The following DEK variants were observed in gnomAD, a reference collection of about 807,000 sequenced individuals.
The protein encoded by DEK is protein DEK.
A neutral mutation model predicts 46.8 loss-of-function variants in DEK; 28 were observed. That is an observed-to-expected ratio of 0.60 (90% CI 0.44 to 0.82). The LOEUF is 0.82. DEK is among the 40% of genes least tolerant of loss of function. The pLI, the probability that DEK is intolerant of heterozygous loss-of-function variation, is 0.00. For missense variants in DEK, 416 were observed against 430.6 expected, an observed-to-expected ratio of 0.97 and a Z score of 0.30; for synonymous variants, 160 against 144.5, an observed-to-expected ratio of 1.11 and a Z score of -0.77.
intron 7 of DEK, among the ~76,000 whole-genome samples, chr6:18,247,806 G>A (rs1791190310): frequency 6.6e-6 from 1 of 151,910 alleles, no homozygotes; most frequent in South Asian, 2.1e-4. Flanking sequence ...CCGAGTAGCT[G>A]GGATTATCGG....
chr6:18,229,047 C>T (rs927684717), intron 9 of DEK, among the ~76,000 whole-genome samples: 35 of 152,186 alleles, frequency 2.3e-4, no homozygotes, highest in African/African-American at 3.4e-4. Context: ...CACTCTGAGA[C>T]GAAGCTTCCA....
intron 7 of DEK, among the ~76,000 whole-genome samples, chr6:18,245,979 T>C (rs1466677932): frequency 6.6e-6 from 1 of 152,266 alleles, no homozygotes; most frequent in Non-Finnish European, 1.5e-5. Flanking sequence ...TGCTGCCGCG[T>C]AAGATGGGTC....
rs1446998250 is a variant in DEK at position 18,237,221 on chromosome 6, G to A, written c.898+160C>T. 2.3e-5 allele frequency: 18 copies of A among 791,770 alleles called. 1 individual carries two copies. Among genetic ancestry groups the A allele is most frequent in the Non-Finnish European group, 3.1e-5 (17 of 545,120 alleles). The allele number at this position is 791,770 out of a possible 1,614,324, so 49.0% of individuals were successfully genotyped here. A position where few individuals can be genotyped will look rare whatever the true frequency, so the allele number is the denominator to read the frequency against. On this transcript the variant is annotated intron_variant, in intron 8 of 10. Transcript: ENST00000652689. Reference sequence around the variant, plus strand: ...TATTGCAAAATCTGAATCACTTCCTGTCCCAAGCATTTCAGATAAGGGATA... The same window carrying A: ...TATTGCAAAATCTGAATCACTTCCTATCCCAAGCATTTCAGATAAGGGATA...
chr6:18,259,535 A>C (rs1222662138), intron 2 of DEK, among the ~76,000 whole-genome samples: 1 of 151,980 alleles, frequency 6.6e-6, no homozygotes, highest in Non-Finnish European at 1.5e-5. Context: ...ATAAAAGAAT[A>C]CTATATACTG....
At chr6:18,235,689 A>C (rs929273151) in intron 9 of DEK, among the ~76,000 whole-genome samples, 47 of 152,270 alleles carry the variant, frequency 3.1e-4, no homozygotes, top group Middle Eastern at 3.4e-3. Flanking sequence ...GGATCTCACT[A>C]TGCTGCCCAG....
chr6:18,242,528 A>G (rs1790934874), intron 7 of DEK, among the ~76,000 whole-genome samples: 1 of 152,188 alleles, frequency 6.6e-6, no homozygotes, highest in Admixed American at 6.5e-5. Flanking sequence ...GAGTAGTGTG[A>G]TGAAATCTCA....
At chr6:18,244,465 T>C in intron 7 of DEK, 1 of 1,104,286 alleles carries the variant, frequency 9.1e-7, no homozygotes, top group African/African-American at 1.6e-5. Context: ...CATAAGCACT[T>C]TTTGAAGGAA....
chr6:18,255,597 G>A (rs1018140283), intron 6 of DEK, 134 bp downstream of exon 6: 20 of 1,067,928 alleles, frequency 1.9e-5, no homozygotes, highest in African/African-American at 1.5e-4. Context: ...CTGCAGATAC[G>A]TCAACAGAAG....
chr6:18,258,180 CAAATT>C (rs943861317), intron 3 of DEK, 118 bp from the exon 4 acceptor site: 23 of 1,087,416 alleles, frequency 2.1e-5, no homozygotes, highest in African/African-American at 3.2e-5. Flanking sequence ...TCTTACAGAG[CAAATT>C]AAATAAAATT....
chr6:18,225,796 T>C, intron 10 of DEK, 66 bp from the exon 11 acceptor site: 2 of 1,576,174 alleles, frequency 1.3e-6, no homozygotes, highest in East Asian at 4.5e-5. Flanking sequence ...TTTCCACATC[T>C]ATTTTACTAT....
intron 7 of DEK, among the ~76,000 whole-genome samples, chr6:18,247,656 A>C (rs1170083016): frequency 1.3e-5 from 2 of 152,202 alleles, no homozygotes; most frequent in African/African-American, 4.8e-5. Context: ...GCGAATTTTA[A>C]AAGTGAGTAT....
chr6:18,240,502 T>C (rs568514041), intron 7 of DEK, among the ~76,000 whole-genome samples: 125 of 152,346 alleles, frequency 8.2e-4, no homozygotes, highest in African/African-American at 2.7e-3. Flanking sequence ...TATGGTTTTA[T>C]GGGGAGTAGA....
At chr6:18,225,977 C>A in intron 10 of DEK, 197 bp downstream of exon 10, 1 of 716,116 alleles carries the variant, frequency 1.4e-6, no homozygotes, top group Non-Finnish European at 2.2e-6. Context: ...GAGTTCAGGT[C>A]TTATCACTAA....
At chr6:18,248,337 C>G (rs1293606920) in intron 7 of DEK, among the ~76,000 whole-genome samples, 2 of 152,154 alleles carry the variant, frequency 1.3e-5, no homozygotes, top group Admixed American at 6.5e-5. Context: ...TGCTTTAACT[C>G]TGCCCATAAA....
chr6:18,237,597 C>A, intron 7 of DEK, 81 bp from the exon 8 acceptor site: 1 of 1,459,176 alleles, frequency 6.9e-7, no homozygotes, highest in South Asian at 1.5e-5. Flanking sequence ...CCCCTATGCC[C>A]CTTAATAATA....
chr6:18,260,219 A>G (rs1341477712), intron 2 of DEK, among the ~76,000 whole-genome samples: 1 of 152,226 alleles, frequency 6.6e-6, no homozygotes, highest in Non-Finnish European at 1.5e-5. Flanking sequence ...CATAATGACT[A>G]ATACAACTTA....
rs1359158829 is a variant in DEK at position 18,249,675 on chromosome 6, A to T, written c.738T>A (p.Asp246Glu). The T allele has an allele frequency of 1.3e-6, 2 of 1,586,618 alleles. No homozygotes were observed. Among genetic ancestry groups the T allele is most frequent in the Non-Finnish European group, 1.7e-6 (2 of 1,172,232 alleles). ...CCTCCTCTTCACTTTCTTTATCTTCATCATCTGAAGACTCTTCCTTGTTTT... is the reference window on the plus strand; with the variant it reads ...CCTCCTCTTCACTTTCTTTATCTTCTTCATCTGAAGACTCTTCCTTGTTTT... ...EKKNKEESSD[D>E]EDKESEEEPP... The change falls in exon 7 of 11, where the codon GAT becomes GAA. Residue 246 changes from aspartate to glutamate, a missense_variant. By Grantham distance (45) the Asp-to-Glu change is conservative. Coordinates refer to ENST00000652689, the MANE Select transcript of DEK (RefSeq NM_003472.4).
intron 9 of DEK, among the ~76,000 whole-genome samples, chr6:18,228,216 GTAGTGGCAATGCTGCCA>G (rs1306607438): frequency 6.6e-6 from 1 of 152,178 alleles, no homozygotes; most frequent in African/African-American, 2.4e-5. Flanking sequence ...ACTATGCGTT[GTAGTGGCAATGCTGCCA>G]TAGACAATAG....
rs1317238218 is a variant in DEK at position 18,226,169 on chromosome 6, T to C, written c.1116+5A>G. The C allele has an allele frequency of 7.6e-7, 1 of 1,311,060 alleles. No individual in the cohort carries two copies. The allele number at this position is 1,311,060 out of a possible 1,614,324, so 81.2% of individuals were successfully genotyped here. On this transcript the variant is annotated splice_donor_5th_base_variant and intron_variant, in intron 10 of 10. Transcript: ENST00000652689. ...AAGTCAAACTTGAAAGACTGAAATA[T>C]TTACCTCTTTTACAGTTGTTTTTAT...
Sources: gnomAD v4.1 joint callset for allele counts (sites outside exome capture counted in the v4.1 genomes callset) on GRCh38, gnomAD v4.1.1 for gene constraint, MANE v1.5 for transcripts, NCBI Gene and HGNC (gene_info 2026-07-23, HGNC 2026-07-21) for gene names.